Variants in SPPL3 observed in about 807,000 individuals in gnomAD.
SPPL3 encodes the protein signal peptide peptidase-like 3.
Under a neutral mutation model 42.4 loss-of-function variants are expected in SPPL3, and 5 were observed. The ratio of observed to expected loss-of-function variants is 0.12; its 90% CI spans 0.06 to 0.25. The LOEUF is 0.25. SPPL3 is among the 10% of genes least tolerant of loss of function. The probability of loss-of-function intolerance (pLI) is 1.00; values close to 1 mark genes in which losing one functional copy is unlikely to be tolerated. For missense variants in SPPL3, 235 were observed against 489.0 expected (o/e 0.48, Z 4.90); for synonymous variants, 195 against 181.8 (o/e 1.07, Z -0.58).
At chr12:120,813,222 A>G (rs1870743231) in intron 1 of SPPL3, among the ~76,000 whole-genome samples, 2 of 150,858 alleles carry the variant, frequency 1.3e-5, no homozygotes, top group South Asian at 4.2e-4. Context: ...AGAGGAGGAC[A>G]TTACATTTCC....
In SPPL3 at chr12:120,903,870, C is replaced by A; in HGVS notation, c.-3G>T. The A allele has an allele frequency of 6.9e-7, 1 of 1,446,172 alleles. No individual in the cohort carries two copies. The highest frequency in any genetic ancestry group is 1.3e-5 in the South Asian group (1 of 74,138). The allele number at this position is 1,446,172 out of a possible 1,614,324, so 89.6% of individuals were successfully genotyped here. ...CACGAGTAGGTCTGCTCCGCCATGG[C>A]GCTGCCTCTCGTGGGCTCCGCTGCA... is the stretch of plus-strand genomic sequence containing the variant. On this transcript the variant is annotated 5_prime_UTR_variant, in exon 1 of 11. Transcript: ENST00000353487.
intron 6 of SPPL3, among the ~76,000 whole-genome samples, chr12:120,776,677 T>C (rs1869332925): frequency 6.6e-6 from 1 of 152,198 alleles, no homozygotes; most frequent in Non-Finnish European, 1.5e-5. Context: ...CCACACTGCT[T>C]ATTGTTTTGA....
At chr12:120,830,566 G>A (rs1436058811) in intron 1 of SPPL3, among the ~76,000 whole-genome samples, 138 of 12,396 alleles carry the variant, frequency 0.011, 25 homozygotes, top group Non-Finnish European at 0.02. Flanking sequence ...GGGAGGGGTG[G>A]GGGAGGGGGG....
chr12:120,903,511 C>G (rs1431500683), intron 1 of SPPL3: 4 of 356,936 alleles, frequency 1.1e-5, no homozygotes, highest in Non-Finnish European at 2.1e-5. Flanking sequence ...GAGTCAGTTC[C>G]GGGGTGCCTG....
intron 1 of SPPL3, among the ~76,000 whole-genome samples, chr12:120,851,566 A>G (rs1872225704): frequency 6.6e-6 from 1 of 152,110 alleles, no homozygotes; most frequent in South Asian, 2.1e-4. Context: ...AAATCTTAGA[A>G]TCAGATGGGA....
chr12:120,849,512 A>G (rs1163298004), intron 1 of SPPL3, among the ~76,000 whole-genome samples: 7 of 152,234 alleles, frequency 4.6e-5, no homozygotes, highest in Non-Finnish European at 1.0e-4. Flanking sequence ...TACAGGTAAA[A>G]TGTAGACATG....
chr12:120,834,963 A>G (rs1871558231), intron 1 of SPPL3, among the ~76,000 whole-genome samples: 1 of 152,220 alleles, frequency 6.6e-6, no homozygotes, highest in Admixed American at 6.5e-5. Context: ...AAACAGTACA[A>G]ATCTATTTTA....
rs71076673 is a variant in SPPL3, at chr12:120,874,452, CAA to C, written c.23+29391_23+29392del. On this transcript the variant is annotated intron_variant, in intron 1 of 10. Coordinates refer to ENST00000353487, the MANE Select transcript of SPPL3 (RefSeq NM_139015.5). ...TAGATGACAGAGCGAGACCCTGTCGCAAAAAAAAAAAAAAAAAAGAATAAAAG... is the reference window on the plus strand; with the variant it reads ...TAGATGACAGAGCGAGACCCTGTCGCAAAAAAAAAAAAAAAAGAATAAAAG... Among the ~76,000 whole-genome samples the C allele has an allele frequency of 6.0e-3, 581 of 97,388 alleles. 1 individual carries two copies. The highest frequency in any genetic ancestry group is 0.016 in the South Asian group (48 of 3,010). The allele number at this position is 97,388 out of a possible 152,430, so 63.9% of individuals were successfully genotyped here. A position where few individuals can be genotyped will look rare whatever the true frequency, so the allele number is the denominator to read the frequency against.
intron 1 of SPPL3, among the ~76,000 whole-genome samples, chr12:120,883,165 C>T (rs962976541): frequency 1.3e-5 from 2 of 151,882 alleles, no homozygotes; most frequent in South Asian, 4.2e-4. Flanking sequence ...ATTAGCCAGG[C>T]GTGGTGGCGG....
At chr12:120,834,817 A>C (rs1871552554) in intron 1 of SPPL3, among the ~76,000 whole-genome samples, 1 of 152,216 alleles carries the variant, frequency 6.6e-6, no homozygotes, top group Admixed American at 6.5e-5. Context: ...ACAGTAGGTA[A>C]AATGTGCCAA....
rs962262099 is a variant in SPPL3, at chr12:120,904,218, T to C, written c.-351A>G. 5.7e-5 allele frequency: 12 copies of C among 210,940 alleles called. No homozygotes were observed. Among genetic ancestry groups the C allele is most frequent in the Non-Finnish European group, 9.1e-5 (10 of 110,214 alleles). The allele number at this position is 210,940 out of a possible 1,614,324, so 13.1% of individuals were successfully genotyped here. On this transcript the variant is annotated 5_prime_UTR_variant, in exon 1 of 11. Transcript: ENST00000353487. ...AACGGCAAGACGGGCCCGCGCTCAC[T>C]GCGCGCGGGGCCGCGGGAGCGCCGC... is the stretch of plus-strand genomic sequence containing the variant.
chr12:120,807,939 G>A (rs974645760), intron 2 of SPPL3, among the ~76,000 whole-genome samples: 4 of 115,616 alleles, frequency 3.5e-5, no homozygotes, highest in Non-Finnish European at 8.3e-5. Context: ...TTGCAGAAAT[G>A]CCTTATTAAA....
chr12:120,793,375 A>G (rs1275805722), intron 2 of SPPL3, among the ~76,000 whole-genome samples: 1 of 152,204 alleles, frequency 6.6e-6, no homozygotes, highest in African/African-American at 2.4e-5. Flanking sequence ...ATGTGCCTAC[A>G]GTTTCAGCTA....
At chr12:120,903,732 G>GCCCCCCCCCC in intron 1 of SPPL3, 113 bp downstream of exon 1, 4 of 385,018 alleles carry the variant, frequency 1.0e-5, no homozygotes, top group Non-Finnish European at 1.7e-5. Context: ...CCCAACCCGC[G>GCCCCCCCCCC]CCCCCCCCCC....
chr12:120,872,362 AAGT>A (rs1309850654), intron 1 of SPPL3, among the ~76,000 whole-genome samples: 1 of 152,234 alleles, frequency 6.6e-6, no homozygotes, highest in Non-Finnish European at 1.5e-5. Flanking sequence ...ACTGGGCAAA[AAGT>A]AGCACAAGAC....
intron 1 of SPPL3, among the ~76,000 whole-genome samples, chr12:120,892,985 A>G (rs888176109): frequency 0.02 from 73 of 3,676 alleles, 1 homozygote; most frequent in Admixed American, 0.12. Flanking sequence ...CTGTCTCGGG[A>G]AAAAAAAAAA....
chr12:120,899,778 A>G (rs1303124177), intron 1 of SPPL3, among the ~76,000 whole-genome samples: 1 of 150,648 alleles, frequency 6.6e-6, no homozygotes, highest in Non-Finnish European at 1.5e-5. Context: ...CTGTAATCCC[A>G]GCTACTCGGG....
At chr12:120,863,402 TAGTG>T (rs1392325976) in intron 1 of SPPL3, among the ~76,000 whole-genome samples, 1 of 152,018 alleles carries the variant, frequency 6.6e-6, no homozygotes, top group Non-Finnish European at 1.5e-5. Context: ...AAGTAAAAAT[TAGTG>T]AGAGGAATGG....
At chr12:120,857,335 C>T (rs895666619) in intron 1 of SPPL3, among the ~76,000 whole-genome samples, 1 of 152,122 alleles carries the variant, frequency 6.6e-6, no homozygotes, top group Non-Finnish European at 1.5e-5. Flanking sequence ...CAGATGCTGG[C>T]GAGGCTGTGG....
Sources: allele counts gnomAD v4.1 joint callset (sites outside exome capture counted in the v4.1 genomes callset), GRCh38; gene constraint gnomAD v4.1.1; transcripts MANE v1.5; gene names NCBI Gene and HGNC (gene_info 2026-07-23, HGNC 2026-07-21).